ADAMTS14: variants seen among roughly 807,000 people sequenced by gnomAD.
The protein encoded by ADAMTS14 is A disintegrin and metalloproteinase with thrombospondin motifs 14.
ADAMTS14 carries 100 observed loss-of-function variants against 128.6 expected under a neutral mutation model. The observed-to-expected ratio is 0.78, with a 90% confidence interval of 0.66 to 0.92. The LOEUF is 0.92. Ranked by LOEUF, ADAMTS14 falls within the 40% of genes least tolerant of loss-of-function variation. The pLI is 0.00. For missense variants in ADAMTS14, 1,562 were observed against 1,658.6 expected (o/e 0.94, Z 1.01); for synonymous variants, 665 against 653.8 (o/e 1.02, Z -0.26).
chr10:70,725,109 T>C (rs1473853369), intron 4 of ADAMTS14, among the ~76,000 whole-genome samples: 2 of 152,160 alleles, frequency 1.3e-5, no homozygotes, highest in Admixed American at 6.5e-5. Context: ...ATGGTGCTAA[T>C]ACAGTGTTTT....
At chr10:70,680,145 TA>T in intron 2 of ADAMTS14, among the ~76,000 whole-genome samples, 1 of 152,218 alleles carries the variant, frequency 6.6e-6, no homozygotes, top group Non-Finnish European at 1.5e-5. Context: ...CTCATGCCTG[TA>T]ATCCCAGCAC....
chr10:70,732,118 G>A, intron 6 of ADAMTS14, 136 bp from the exon 7 acceptor site: 1 of 774,274 alleles, frequency 1.3e-6, no homozygotes, highest in East Asian at 2.7e-5. Context: ...GTGGGACTTT[G>A]TGAGCATCTG....
intron 2 of ADAMTS14, among the ~76,000 whole-genome samples, chr10:70,682,384 G>C (rs1005405956): frequency 6.6e-6 from 1 of 152,220 alleles, no homozygotes; most frequent in Non-Finnish European, 1.5e-5. Flanking sequence ...AACCCAGCAA[G>C]GCTGTTAGCT....
chr10:70,717,601 G>A (rs1841099947), intron 4 of ADAMTS14, among the ~76,000 whole-genome samples: 1 of 152,162 alleles, frequency 6.6e-6, no homozygotes, highest in Non-Finnish European at 1.5e-5. Context: ...CTGGCCCAGG[G>A]GTGATGGACC....
At chr10:70,683,710 C>A (rs1839879019) in intron 2 of ADAMTS14, among the ~76,000 whole-genome samples, 1 of 152,194 alleles carries the variant, frequency 6.6e-6, no homozygotes, top group South Asian at 2.1e-4. Context: ...GGTTCCTCCC[C>A]TGCCTGCTCC....
intron 15 of ADAMTS14, among the ~76,000 whole-genome samples, chr10:70,749,270 G>A (rs1021116580): frequency 2.6e-5 from 4 of 152,172 alleles, no homozygotes; most frequent in African/African-American, 4.8e-5. Flanking sequence ...CGTGGGGCGC[G>A]GGGATTTCTA....
intron 19 of ADAMTS14, among the ~76,000 whole-genome samples, chr10:70,754,929 G>A (rs1842445141): frequency 6.6e-6 from 1 of 152,166 alleles, no homozygotes; most frequent in Admixed American, 6.5e-5. Flanking sequence ...TGACGAAATT[G>A]TCTTGGGTTT....
chr10:70,751,540 G>A lies in ADAMTS14; in HGVS notation c.2490G>A (p.Glu830=). The change falls in exon 17 of 22, where the codon GAG becomes GAA. Residue 830 remains glutamate (E), a synonymous_variant. Transcript: ENST00000373207. ...SSLAYKYVIH[E]DLLPLIGSNN... ...TGGCCTACAAGTACGTCATCCATGA[G>A]GACCTGCTGCCCCTTATCGGGAGCA... 1.9e-6 allele frequency: 3 copies of A among 1,613,612 alleles called. No homozygotes were observed. The highest frequency in any genetic ancestry group is 2.5e-6 in the Non-Finnish European group (3 of 1,179,590).
chr10:70,702,376 A>G lies in ADAMTS14; in HGVS notation c.587A>G (p.Glu196Gly). The G allele has an allele frequency of 1.2e-6, 2 of 1,614,164 alleles. No individual in the cohort carries two copies. The highest frequency in any genetic ancestry group is 1.7e-6 in the Non-Finnish European group (2 of 1,180,032). ...FIEPLERGQQ[E>G]KEASGRTHVV... ...GAGCCTCTGGAGCGGGGCCAGCAGG[A>G]GAAGGAGGCCAGCGGGAGGACACAT... is the stretch of plus-strand genomic sequence containing the variant. Residue 196 changes from glutamate (E) to glycine (G), a missense_variant, in exon 3 of 22, where the codon GAG (glutamate) becomes GGG (glycine). Transcript: ENST00000373207.
At chr10:70,687,316 C>T (rs1472771945) in intron 2 of ADAMTS14, among the ~76,000 whole-genome samples, 2 of 100,016 alleles carry the variant, frequency 2.0e-5, no homozygotes, top group African/African-American at 6.5e-5. Flanking sequence ...CTGGACAGGG[C>T]GGCTGGCCGG....
Position 70,760,431 on chromosome 10 carries a change from G to A in ADAMTS14, c.3250G>A (p.Gly1084Ser), listed in dbSNP as rs149044486. Residue 1084 changes from glycine (G) to serine (S), a missense_variant, in exon 22 of 22, where the codon GGC becomes AGC. Transcript: ENST00000373207. ...GCTCGATCGCTACTGCTCCATTCCCGGCTACCACCGGCTCTGCTGTGTGTC... is the reference window on the plus strand; with the variant it reads ...GCTCGATCGCTACTGCTCCATTCCCAGCTACCACCGGCTCTGCTGTGTGTC... The part of the protein sequence containing the change: ...EVLDRYCSIP[G>S]YHRLCCVSCI... 5.0e-5 allele frequency: 81 copies of A among 1,612,808 alleles called. No individual in the cohort carries two copies. Among genetic ancestry groups the A allele is most frequent in the African/African-American group, 2.8e-4 (21 of 74,886 alleles).
chr10:70,708,931 A>G (rs1840753757), intron 4 of ADAMTS14, among the ~76,000 whole-genome samples, 153 bp downstream of exon 4: 1 of 152,014 alleles, frequency 6.6e-6, no homozygotes. Flanking sequence ...TCCTTAGCCC[A>G]GAAGGCACAC....
At chr10:70,751,427 C>G (rs1842344992) in intron 16 of ADAMTS14, 51 bp from the exon 17 acceptor site, 1 of 1,564,410 alleles carries the variant, frequency 6.4e-7, no homozygotes, top group East Asian at 2.3e-5. Context: ...CCAGTGCATG[C>G]CGCCCTTGCT....
rs1839517268 is a variant in ADAMTS14 at position 70,672,732 on chromosome 10, C to G, written c.-71C>G. The G allele has an allele frequency of 1.4e-6, 2 of 1,431,108 alleles. No individual in the cohort carries two copies. Among genetic ancestry groups the G allele is most frequent in the Non-Finnish European group, 1.8e-6 (2 of 1,097,618 alleles). The allele number at this position is 1,431,108 out of a possible 1,614,324, so 88.7% of individuals were successfully genotyped here. On this transcript the variant is annotated 5_prime_UTR_variant, in exon 1 of 22. Transcript: ENST00000373207. ...GTGCTCCGACAGCCCGGGGCGCACC[C>G]TAGCCTCGCCGCCCTCAGCCTGGGA... is the stretch of plus-strand genomic sequence containing the variant.
chr10:70,689,641 C>G (rs1564522119), intron 2 of ADAMTS14, among the ~76,000 whole-genome samples: 1 of 145,702 alleles, frequency 6.9e-6, no homozygotes, highest in Non-Finnish European at 1.6e-5. Context: ...TGTGAGCCAC[C>G]TCCTGTCTCT....
intron 10 of ADAMTS14, among the ~76,000 whole-genome samples, chr10:70,737,637 G>A (rs1369322133): frequency 6.6e-6 from 1 of 152,178 alleles, no homozygotes; most frequent in African/African-American, 2.4e-5. Flanking sequence ...GGCTTGTCCT[G>A]TCACAGGTGG....
chr10:70,756,621 T>C (rs1029600167), intron 19 of ADAMTS14, among the ~76,000 whole-genome samples: 1 of 152,216 alleles, frequency 6.6e-6, no homozygotes, highest in African/African-American at 2.4e-5. Context: ...ATGTATTGTG[T>C]TGAACACCAA....
At chr10:70,743,976 C>T (rs1842089680) in intron 13 of ADAMTS14, 90 bp from the exon 14 acceptor site, 1 of 1,487,310 alleles carries the variant, frequency 6.7e-7, no homozygotes, top group African/African-American at 1.4e-5. Flanking sequence ...AGGTCTTCTC[C>T]TGACCAGGGC....
At position 70,758,293 on chromosome 10, in the gene ADAMTS14, C is replaced by A; in HGVS notation, c.3178+8C>A. Reference sequence around the variant, plus strand: ...TTAACAAGATATCATCAAGTAAGTACAGTCTATGGACCCTACCCTGCTCCC... The same window carrying A: ...TTAACAAGATATCATCAAGTAAGTAAAGTCTATGGACCCTACCCTGCTCCC... On this transcript the variant is annotated splice_region_variant and intron_variant, in intron 21 of 21. Transcript: ENST00000373207. The A allele has an allele frequency of 1.2e-6, 2 of 1,612,254 alleles. No individual in the cohort carries two copies. Among genetic ancestry groups the A allele is most frequent in the Non-Finnish European group, 1.7e-6 (2 of 1,178,720 alleles).
Sources: allele counts gnomAD v4.1 joint callset (sites outside exome capture counted in the v4.1 genomes callset), GRCh38; gene constraint gnomAD v4.1.1; transcripts MANE v1.5; gene names NCBI Gene and HGNC (gene_info 2026-07-23, HGNC 2026-07-21).